GAREM1: variants seen among roughly 807,000 people sequenced by gnomAD.
GAREM1 encodes GRB2-associated and regulator of MAPK protein 1.
GAREM1 carries 26 observed loss-of-function variants against 71.3 expected under a neutral mutation model. The observed-to-expected ratio is 0.36, with a 90% confidence interval of 0.27 to 0.51. GAREM1 has a LOEUF of 0.51. GAREM1 is among the 20% of genes least tolerant of loss of function. The pLI, the probability that GAREM1 is intolerant of heterozygous loss-of-function variation, is 0.95. For missense variants in GAREM1, 1,026 were observed against 1,103.1 expected (o/e 0.93, Z 0.99); for synonymous variants, 440 against 433.2 (o/e 1.02, Z -0.20).
At chr18:32,380,100 C>A (rs1019023980) in intron 2 of GAREM1, among the ~76,000 whole-genome samples, 1 of 151,936 alleles carries the variant, frequency 6.6e-6, no homozygotes, top group Admixed American at 6.5e-5. Flanking sequence ...CAGTTTCACA[C>A]AGTGTGTACA....
At chr18:32,318,161 C>A (rs571836269) in intron 2 of GAREM1, among the ~76,000 whole-genome samples, 1 of 152,022 alleles carries the variant, frequency 6.6e-6, no homozygotes, top group East Asian at 1.9e-4. Context: ...ATGACATGCT[C>A]GCTGATTATG....
intron 1 of GAREM1, among the ~76,000 whole-genome samples, chr18:32,411,733 G>A (rs4104669): frequency 5.3e-5 from 8 of 152,078 alleles, no homozygotes; most frequent in South Asian, 2.1e-4. Flanking sequence ...CAAGGTTTCC[G>A]AAGACAATGG....
chr18:32,456,150 C>G (rs188376024), intron 1 of GAREM1, among the ~76,000 whole-genome samples: 39 of 152,088 alleles, frequency 2.6e-4, no homozygotes, highest in Admixed American at 1.7e-3. Flanking sequence ...ATTTAAAACT[C>G]TTAAATGGAA....
chr18:32,421,777 C>T (rs1374565099), intron 1 of GAREM1, among the ~76,000 whole-genome samples: 2 of 151,900 alleles, frequency 1.3e-5, no homozygotes, highest in African/African-American at 2.4e-5. Context: ...ATCTGTTTTT[C>T]CTTCCCTTCT....
intron 1 of GAREM1, among the ~76,000 whole-genome samples, chr18:32,450,320 T>C (rs2048823882): frequency 6.6e-6 from 1 of 152,170 alleles, no homozygotes; most frequent in African/African-American, 2.4e-5. Context: ...TAAATGCAAG[T>C]CAGCAATTCT....
rs570838906 is a variant in GAREM1, at chr18:32,376,655, T to C, written c.262+16240A>G. 2.5e-4 allele frequency among the ~76,000 whole-genome samples: 38 copies of C among 152,188 alleles called. No homozygotes were observed. In the South Asian group the frequency reaches 5.4e-3, roughly 22 times the overall value. On this transcript the variant is annotated intron_variant, in intron 2 of 5. Transcript: ENST00000269209. Reference sequence around the variant, plus strand: ...AAGTTCGAGACCAGCCTGACCAACATGGCAAAACCCCATCTCTATTAAAAA... The same window carrying C: ...AAGTTCGAGACCAGCCTGACCAACACGGCAAAACCCCATCTCTATTAAAAA...
chr18:32,455,557 G>A (rs1237800314), intron 1 of GAREM1, among the ~76,000 whole-genome samples: 1 of 152,108 alleles, frequency 6.6e-6, no homozygotes, highest in Non-Finnish European at 1.5e-5. Context: ...CATTTTAAAA[G>A]CAAATTCTTC....
At chr18:32,383,522 G>A (rs2048116027) in intron 2 of GAREM1, among the ~76,000 whole-genome samples, 2 of 152,114 alleles carry the variant, frequency 1.3e-5, no homozygotes, top group South Asian at 2.1e-4. Flanking sequence ...CTTTTAAAAG[G>A]TCACACTACT....
At chr18:32,469,486 CGT>C (rs1448898930) in intron 1 of GAREM1, among the ~76,000 whole-genome samples, 2 of 152,212 alleles carry the variant, frequency 1.3e-5, no homozygotes, top group Non-Finnish European at 2.9e-5. Flanking sequence ...TGCCACCTTA[CGT>C]GTCATCACTC....
intron 1 of GAREM1, among the ~76,000 whole-genome samples, chr18:32,410,590 T>G (rs891913035): frequency 1.3e-5 from 2 of 152,152 alleles, no homozygotes; most frequent in Non-Finnish European, 2.9e-5. Flanking sequence ...TCTCAAGAGA[T>G]CCTCCCATCT....
At chr18:32,362,775 T>C (rs1053868253) in intron 2 of GAREM1, among the ~76,000 whole-genome samples, 2 of 152,170 alleles carry the variant, frequency 1.3e-5, no homozygotes, top group African/African-American at 4.8e-5. Context: ...TGGATACTAA[T>C]GAGGAAAGGA....
chr18:32,384,205 C>T (rs2144646227), intron 2 of GAREM1, among the ~76,000 whole-genome samples: 1 of 152,272 alleles, frequency 6.6e-6, no homozygotes, highest in South Asian at 2.1e-4. Flanking sequence ...CATAAGAAGC[C>T]ATGAGCTGGA....
chr18:32,327,758 G>A (rs2047488126), intron 2 of GAREM1, among the ~76,000 whole-genome samples: 1 of 152,202 alleles, frequency 6.6e-6, no homozygotes, highest in Non-Finnish European at 1.5e-5. Flanking sequence ...GAGGCAATGT[G>A]AGTAGTGGAC....
At chr18:32,466,602 G>C (rs2144321645) in intron 1 of GAREM1, among the ~76,000 whole-genome samples, 1 of 152,104 alleles carries the variant, frequency 6.6e-6, no homozygotes, top group Non-Finnish European at 1.5e-5. Flanking sequence ...AAGCCTTCAG[G>C]GTCTATCCAA....
chr18:32,348,449 C>T (rs1341245144), intron 2 of GAREM1, among the ~76,000 whole-genome samples: 2 of 152,150 alleles, frequency 1.3e-5, no homozygotes, highest in Non-Finnish European at 2.9e-5. Flanking sequence ...CAAGGCTGGG[C>T]GTGGTGGCTC....
chr18:32,399,276 C>T (rs569104697), intron 1 of GAREM1, among the ~76,000 whole-genome samples: 1 of 152,114 alleles, frequency 6.6e-6, no homozygotes, highest in Non-Finnish European at 1.5e-5. Flanking sequence ...CAGGGATGCC[C>T]TCTCTCACCA....
intron 2 of GAREM1, among the ~76,000 whole-genome samples, chr18:32,344,894 T>C (rs2047679576): frequency 6.6e-6 from 1 of 152,034 alleles, no homozygotes; most frequent in African/African-American, 2.4e-5. Flanking sequence ...ACCCTGTCTC[T>C]ACTAAAAATA....
Position 32,470,502 on chromosome 18 carries a change from T to TGCTCGC in GAREM1, c.-80_-75dup. On this transcript the variant is annotated 5_prime_UTR_variant, in exon 1 of 6. Transcript: ENST00000269209. This position sits in a 1 kb window ranked among gnomAD's most constrained non-coding sequence, Gnocchi z 4.4. ...CCACCCGCGCCTCGGCGGCCGCCGC[T>TGCTCGC]GCTCGCGCTCGCGGTCTGGGGCGCG... 1.8e-6 allele frequency: 2 copies of TGCTCGC among 1,097,892 alleles called. No homozygotes were observed. Among genetic ancestry groups the TGCTCGC allele is most frequent in the Non-Finnish European group, 1.1e-6 (1 of 892,934 alleles). 68.0% of individuals were successfully genotyped at this position (1,097,892 alleles called of 1,614,324 possible).
At chr18:32,325,868 C>T (rs1367225095) in intron 2 of GAREM1, among the ~76,000 whole-genome samples, 1 of 152,096 alleles carries the variant, frequency 6.6e-6, no homozygotes, top group African/African-American at 2.4e-5. Flanking sequence ...ACGAGGATGA[C>T]TAAACATATA....
Sources: gnomAD v4.1 joint callset for allele counts (sites outside exome capture counted in the v4.1 genomes callset) on GRCh38, gnomAD v4.1.1 for gene constraint, Gnocchi (gnomAD v3.1) non-coding constraint, MANE v1.5 for transcripts, NCBI Gene and HGNC (gene_info 2026-07-23, HGNC 2026-07-21) for gene names.